The following AVPR2 variants were observed in gnomAD, a reference collection of about 807,000 sequenced individuals.
AVPR2 encodes the protein arginine vasopressin receptor 2, also known as vasopressin V2 receptor.
In AVPR2, 3 loss-of-function variants were observed where a neutral mutation model predicts 12.0. That is an observed-to-expected ratio of 0.25 (90% CI 0.11 to 0.64). The LOEUF (loss-of-function observed/expected upper bound fraction) is 0.64. AVPR2 is among the 30% of genes least tolerant of loss of function. AVPR2 has a pLI of 0.84. For missense variants in AVPR2, 279 were observed against 347.9 expected, an observed-to-expected ratio of 0.80 and a Z score of 1.58; for synonymous variants, 143 against 147.5, an observed-to-expected ratio of 0.97 and a Z score of 0.22.
upstream of AVPR2, among the ~76,000 whole-genome samples, chrX:153,903,490 T>C (rs781995469): frequency 3.5e-3 from 114 of 32,333 alleles, no homozygotes; most frequent in African/African-American, 0.012. Flanking sequence ...TGTGTGCATG[T>C]GTGTGGTGTG....
rs1484689525 is a variant in AVPR2, at chrX:153,906,197, G to C, written c.691G>C (p.Glu231Gln). The C allele has an allele frequency of 5.0e-6, 6 of 1,211,178 alleles. No individual in the cohort carries two copies. Among genetic ancestry groups the C allele is most frequent in the Non-Finnish European group, 4.5e-6 (4 of 895,426 alleles). Residue 231 changes from glutamate to glutamine, a missense_variant, in exon 3 of 4, where the codon GAG (glutamate) becomes CAG (glutamine). Transcript: ENST00000646375. ...IAACQVLIFR[E>Q]IHASLVPGPS... ...CGCCTGCCAGGTGCTCATCTTCCGG[G>C]AGATTCATGCCAGTCTGGTGCCAGG...
chrX:153,904,156 G>A (rs1241310912), upstream of AVPR2, among the ~76,000 whole-genome samples: 2 of 112,381 alleles, frequency 1.8e-5, no homozygotes. Flanking sequence ...GGAAGAGGGT[G>A]GGGGTGTCCC....
intron 2 of AVPR2, 51 bp from the exon 3 acceptor site, chrX:153,905,481 C>A: frequency 8.9e-7 from 1 of 1,117,978 alleles, no homozygotes; most frequent in Admixed American, 2.6e-5. Context: ...GGCCTGAGTC[C>A]CCCTGCACAG....
rs782587977 is a variant in AVPR2 at position 153,906,514 on chromosome X, C to T, written c.911-9C>T. The T allele has an allele frequency of 2.3e-5, 28 of 1,207,263 alleles. No homozygotes were observed. Among genetic ancestry groups the T allele is most frequent in the African/African-American group, 1.9e-4 (11 of 57,331 alleles). ...TCCTGAACCCAACCTAGATCCTCCA[C>T]CTCCACAGGGGCGCCCTTTGTGCTA... On this transcript the variant is annotated splice_polypyrimidine_tract_variant and intron_variant, in intron 3 of 3. Transcript: ENST00000646375.
chrX:153,903,562 ATGTG>A (rs1348451691), upstream of AVPR2, among the ~76,000 whole-genome samples: 5 of 108,970 alleles, frequency 4.6e-5, no homozygotes, highest in African/African-American at 1.7e-4. Context: ...TGGTGGGTGC[ATGTG>A]TGTGTGGCGT....
rs1443017828 is a variant in AVPR2 at position 153,907,014 on chromosome X, GA to G, written c.*289del. ...GCAGCAGAGGCCTGAGGAGTGGCAG[GA>G]AAGAGGGAGCAGGTGCCCCCAGGTG... is the stretch of plus-strand genomic sequence containing the variant. On this transcript the variant is annotated 3_prime_UTR_variant, in exon 4 of 4. Coordinates refer to ENST00000646375, the MANE Select transcript of AVPR2 (RefSeq NM_000054.7). 1 of 469,925 alleles carries G rather than the reference GA, an allele frequency of 2.1e-6. No individual in the cohort carries two copies. The allele number at this position is 469,925 out of a possible 1,213,427, so 38.7% of individuals were successfully genotyped here.
At position 153,906,234 on chromosome X, in the gene AVPR2, G is replaced by C; in HGVS notation, c.728G>C (p.Arg243Thr). 8.2e-7 allele frequency: 1 copy of C among 1,212,338 alleles called. No individual in the cohort carries two copies. The highest frequency in any genetic ancestry group is 1.1e-6 in the Non-Finnish European group (1 of 895,603). Residue 243 changes from arginine (R) to threonine (T), a missense_variant, in exon 3 of 4, where the codon AGG becomes ACG. By Grantham distance (71) the Arg-to-Thr change is moderately conservative. Transcript: ENST00000646375. ...HASLVPGPSE[R>T]PGGRRRGRRT... is the part of the protein sequence containing the mutation. ...AGTCTGGTGCCAGGGCCATCAGAGAGGCCTGGGGGGCGCCGCAGGGGACGC... is the reference window on the plus strand; with the variant it reads ...AGTCTGGTGCCAGGGCCATCAGAGACGCCTGGGGGGCGCCGCAGGGGACGC...
Position 153,905,141 on chromosome X carries a change from C to T in AVPR2, c.-5C>T, listed in dbSNP as rs1557100289. ...GGCCCTCAGAACACCTGCCCCAGCCCCACCATGCTCATGGCGTCCACCACT... is the reference window on the plus strand; with the variant it reads ...GGCCCTCAGAACACCTGCCCCAGCCTCACCATGCTCATGGCGTCCACCACT... On this transcript the variant is annotated 5_prime_UTR_variant, in exon 2 of 4. Coordinates refer to ENST00000646375, the MANE Select transcript of AVPR2 (RefSeq NM_000054.7). 8.2e-7 allele frequency: 1 copy of T among 1,212,227 alleles called. No homozygotes were observed.
rs980699555 is a variant in AVPR2, at chrX:153,906,429, G to A, written c.910+13G>A. 42 of 1,203,902 alleles carry A rather than the reference G, an allele frequency of 3.5e-5. No homozygotes were observed. Among genetic ancestry groups the A allele is most frequent in the Non-Finnish European group, 4.4e-5 (39 of 890,985 alleles). Reference sequence around the variant, plus strand: ...GCACCTCTGGAAGGTGGGTGTAGCCGTGGCTAGGGCTGACGGGGCCACTTG... The same window carrying A: ...GCACCTCTGGAAGGTGGGTGTAGCCATGGCTAGGGCTGACGGGGCCACTTG... On this transcript the variant is annotated intron_variant, in intron 3 of 3. Transcript: ENST00000646375.
chrX:153,904,153 G>C (rs1482960859), upstream of AVPR2, among the ~76,000 whole-genome samples: 1 of 112,396 alleles, frequency 8.9e-6, no homozygotes, highest in Non-Finnish European at 1.9e-5. Context: ...GGAGGAAGAG[G>C]GTGGGGGTGT....
upstream of AVPR2, chrX:153,902,724 T>G: frequency 3.0e-6 from 1 of 329,816 alleles, no homozygotes; most frequent in Non-Finnish European, 5.9e-6. Context: ...TCCTCCAGAT[T>G]CTTCCCTAGT....
rs12842582 is a variant in AVPR2 at position 153,905,626 on chromosome X, G to A, written c.120G>A (p.Glu40=). ...GGGACCCGCTGCTAGCCCGGGCGGA[G>A]CTGGCGCTGCTCTCCATAGTCTTTG... ...DTRDPLLARA[E]LALLSIVFVA... The change falls in exon 3 of 4, where the codon GAG becomes GAA. Residue 40 remains glutamate (E), a synonymous_variant. Transcript: ENST00000646375. 1 of 1,211,024 alleles carries A rather than the reference G, an allele frequency of 8.3e-7. No homozygotes were observed. Among genetic ancestry groups the A allele is most frequent in the Middle Eastern group, 2.3e-4 (1 of 4,276 alleles).
Position 153,904,767 on chromosome X carries a change from G to T in AVPR2, c.-177G>T. ...CACCGCCCAGCTGCCCAGGAGCCCA[G>T]CCAGGTAAGGGGCTGCGCCTGCCTG... On this transcript the variant is annotated 5_prime_UTR_variant, in exon 1 of 4. Transcript: ENST00000646375. The T allele has an allele frequency of 3.2e-6, 1 of 317,418 alleles. No individual in the cohort carries two copies. The highest frequency in any genetic ancestry group is 5.7e-6 in the Non-Finnish European group (1 of 175,989). 26.2% of individuals were successfully genotyped at this position (317,418 alleles called of 1,213,427 possible).
upstream of AVPR2, among the ~76,000 whole-genome samples, chrX:153,904,504 AG>A (rs1247481173): frequency 9.0e-6 from 1 of 110,947 alleles, no homozygotes; most frequent in Non-Finnish European, 1.9e-5. Context: ...CAATCCAACC[AG>A]GGGGGCGTGG....
Position 153,905,297 on chromosome X carries a change from G to A in AVPR2, c.25+127G>A, listed in dbSNP as rs1650244182. The A allele has an allele frequency of 6.7e-6, 7 of 1,046,326 alleles. No individual in the cohort carries two copies. In the Admixed American group the frequency reaches 1.7e-4, roughly 25 times the overall value. 86.2% of individuals were successfully genotyped at this position (1,046,326 alleles called of 1,213,427 possible). A position where few individuals can be genotyped will look rare whatever the true frequency, so the allele number is the denominator to read the frequency against. The stretch of plus-strand genomic sequence containing the variant: ...TCTCTCCAGGCTGCCAATGAGTGGG[G>A]AGGGGAGCACAGCCCCACTTCCCCG... On this transcript the variant is annotated intron_variant, in intron 2 of 3. Coordinates refer to ENST00000646375, the MANE Select transcript of AVPR2 (RefSeq NM_000054.7).
rs199932780 is a variant in AVPR2 at position 153,906,289 on chromosome X, C to T, written c.783C>T (p.His261=). The stretch of plus-strand genomic sequence containing the variant: ...CAGGCAGCCCCGGTGAGGGAGCCCA[C>T]GTGTCAGCAGCTGTGGCCAAGACTG... ...RRTGSPGEGA[H]VSAAVAKTVR... The change falls in exon 3 of 4, where the codon CAC becomes CAT. Residue 261 remains histidine (H), a synonymous_variant. Coordinates refer to ENST00000646375, the MANE Select transcript of AVPR2 (RefSeq NM_000054.7). 4.4e-5 allele frequency: 53 copies of T among 1,211,073 alleles called. No individual in the cohort carries two copies. The highest frequency in any genetic ancestry group is 3.8e-4 in the East Asian group (13 of 33,782).
chrX:153,905,321 C>CGCCAGGGCTGGG, intron 2 of AVPR2, 151 bp downstream of exon 2: 1 of 961,340 alleles, frequency 1.0e-6, no homozygotes, highest in Non-Finnish European at 1.5e-6. Flanking sequence ...CCCACTTCCC[C>CGCCAGGGCTGGG]GCCAGGGCTG....
chrX:153,905,040 T>G lies in AVPR2; in HGVS notation c.-106T>G. The G allele has an allele frequency of 9.0e-7, 1 of 1,112,963 alleles. No individual in the cohort carries two copies. The allele number at this position is 1,112,963 out of a possible 1,213,427, so 91.7% of individuals were successfully genotyped here. The stretch of plus-strand genomic sequence containing the variant: ...GGCATCTGCCATGCTGGCATCTCTA[T>G]AAGGGCTCCAGTCCAGAGACCCTGG... On this transcript the variant is annotated 5_prime_UTR_variant, in exon 2 of 4. It removes the in-frame stop codon of an upstream open reading frame in the 5' UTR. Coordinates refer to ENST00000646375, the MANE Select transcript of AVPR2 (RefSeq NM_000054.7).
intron 1 of AVPR2, 74 bp from the exon 2 acceptor site, chrX:153,904,900 C>G: frequency 2.1e-6 from 1 of 471,905 alleles, no homozygotes; most frequent in South Asian, 2.9e-5. Context: ...ACCCGGGACT[C>G]ATGGGCTGCC....
Sources: allele counts gnomAD v4.1 joint callset (sites outside exome capture counted in the v4.1 genomes callset), GRCh38; gene constraint gnomAD v4.1.1; transcripts MANE v1.5; gene names NCBI Gene and HGNC (gene_info 2026-07-23, HGNC 2026-07-21).